DYM: variants seen among roughly 807,000 people sequenced by gnomAD.
The protein encoded by DYM is dyggve-Melchior-Clausen syndrome protein.
In DYM, 78 loss-of-function variants were observed where a neutral mutation model predicts 93.1. The ratio of observed to expected loss-of-function variants is 0.84; its 90% CI spans 0.70 to 1.01. The LOEUF (loss-of-function observed/expected upper bound fraction) is 1.01, where lower values mean the gene tolerates loss of function less well. DYM is among the 50% of genes least tolerant of loss of function. The pLI, the probability that DYM is intolerant of heterozygous loss-of-function variation, is 0.00. For synonymous variants in DYM, 321 were observed against 319.7 expected (o/e 1.00, Z -0.04); for missense variants, 789 against 845.0 (o/e 0.93, Z 0.82).
intron 2 of DYM, among the ~76,000 whole-genome samples, chr18:49,399,072 G>A (rs981883886): frequency 1.3e-5 from 2 of 152,148 alleles, no homozygotes; most frequent in African/African-American, 4.8e-5. Context: ...TAGTGCTTGG[G>A]TGCCTAGGAC....
chr18:49,231,655 C>T (rs1445728580), intron 13 of DYM, among the ~76,000 whole-genome samples: 1 of 152,206 alleles, frequency 6.6e-6, no homozygotes, highest in Non-Finnish European at 1.5e-5. Flanking sequence ...TTAGGATCAG[C>T]ATGTTTCCTT....
At chr18:49,134,873 T>C (rs1236442715) in intron 15 of DYM, among the ~76,000 whole-genome samples, 1 of 152,162 alleles carries the variant, frequency 6.6e-6, no homozygotes, top group Non-Finnish European at 1.5e-5. Flanking sequence ...TTTGGGAGGC[T>C]GAGGCGGTGG....
chr18:49,264,801 A>C (rs950699609), intron 11 of DYM, among the ~76,000 whole-genome samples: 16 of 152,320 alleles, frequency 1.1e-4, no homozygotes, highest in South Asian at 1.0e-3. Flanking sequence ...TCACAATTTT[A>C]AAGTTTTGCC....
intron 13 of DYM, among the ~76,000 whole-genome samples, chr18:49,219,968 C>T (rs900252235): frequency 2.1e-4 from 32 of 149,924 alleles, no homozygotes; most frequent in Admixed American, 1.3e-3. Context: ...CAAATTGTCC[C>T]TGTTTGCAGA....
intron 17 of DYM, among the ~76,000 whole-genome samples, chr18:49,058,391 T>C (rs1170884588): frequency 6.6e-6 from 1 of 151,830 alleles, no homozygotes; most frequent in Non-Finnish European, 1.5e-5. Flanking sequence ...ATGATCATAG[T>C]TCATTGCAGC....
intron 14 of DYM, among the ~76,000 whole-genome samples, chr18:49,185,093 G>A (rs970155193): frequency 1.3e-5 from 2 of 151,984 alleles, no homozygotes; most frequent in Admixed American, 6.6e-5. Flanking sequence ...TCAATAAAAA[G>A]GAACAATAAA....
At chr18:49,133,136 A>G (rs1459525624) in intron 15 of DYM, among the ~76,000 whole-genome samples, 1 of 152,200 alleles carries the variant, frequency 6.6e-6, no homozygotes, top group Non-Finnish European at 1.5e-5. Context: ...GGCATTCTCA[A>G]CAGAGCACTG....
At chr18:49,087,677 C>T (rs1225358439) in intron 17 of DYM, among the ~76,000 whole-genome samples, 1 of 152,162 alleles carries the variant, frequency 6.6e-6, no homozygotes, top group Non-Finnish European at 1.5e-5. Context: ...AGTTCTAGAT[C>T]CTTGAGGAAT....
At chr18:49,081,554 G>C (rs1438749356) in intron 17 of DYM, among the ~76,000 whole-genome samples, 7 of 73,360 alleles carry the variant, frequency 9.5e-5, no homozygotes, top group South Asian at 5.0e-4. Context: ...AGAGGGGAGA[G>C]GGGAGAGGGG....
chr18:49,413,415 T>TGATGC (rs1267985762), intron 2 of DYM, among the ~76,000 whole-genome samples: 1 of 152,206 alleles, frequency 6.6e-6, no homozygotes, highest in Non-Finnish European at 1.5e-5. Context: ...AAAGTAACAA[T>TGATGC]GATGCTTACG....
intron 17 of DYM, among the ~76,000 whole-genome samples, chr18:49,045,186 C>T (rs993638440): frequency 3.3e-5 from 5 of 152,026 alleles, no homozygotes; most frequent in South Asian, 4.2e-4. Flanking sequence ...AGGAGGAGGA[C>T]GGTGGAAGGC....
intron 7 of DYM, 92 bp downstream of exon 7, chr18:49,333,636 G>T: frequency 7.5e-7 from 1 of 1,339,824 alleles, no homozygotes; most frequent in Non-Finnish European, 1.1e-6. Context: ...TACCTGGTTG[G>T]AGATATGGGA....
chr18:49,248,299 C>T (rs541246881), intron 13 of DYM, among the ~76,000 whole-genome samples: 1 of 152,078 alleles, frequency 6.6e-6, no homozygotes, highest in Non-Finnish European at 1.5e-5. Context: ...CAGAATCTTG[C>T]AATATTAGCA....
intron 3 of DYM, among the ~76,000 whole-genome samples, chr18:49,383,263 TG>T (rs1441067922): frequency 1.3e-5 from 2 of 152,220 alleles, no homozygotes; most frequent in Non-Finnish European, 2.9e-5. Context: ...TATTAAAAGT[TG>T]TTTTTTTAAT....
chr18:49,323,300 G>A (rs995678984), intron 8 of DYM, among the ~76,000 whole-genome samples: 2 of 152,204 alleles, frequency 1.3e-5, no homozygotes, highest in Non-Finnish European at 2.9e-5. Context: ...TGTGGTTTAA[G>A]ATAATGACTA....
At chr18:49,221,431 A>G (rs1394195979) in intron 13 of DYM, among the ~76,000 whole-genome samples, 2 of 152,124 alleles carry the variant, frequency 1.3e-5, no homozygotes, top group African/African-American at 4.8e-5. Context: ...ATTATAAATC[A>G]TGCTGCTATA....
intron 8 of DYM, among the ~76,000 whole-genome samples, chr18:49,318,778 G>T (rs976836157): frequency 6.6e-6 from 1 of 151,120 alleles, no homozygotes; most frequent in Non-Finnish European, 1.5e-5. Context: ...TATATGAACA[G>T]GTAACATTAT....
Position 49,043,991 on chromosome 18 carries a change from C to T in DYM, c.*64G>A. On this transcript the variant is annotated 3_prime_UTR_variant, in exon 18 of 18. Transcript: ENST00000675505. ...AACCTGTCTGTCTACTTCTGTTACC[C>T]AGAAATAAAAGAACTTGAAGGGCTG... The T allele has an allele frequency of 1.3e-6, 2 of 1,596,292 alleles. No homozygotes were observed. Among genetic ancestry groups the T allele is most frequent in the Non-Finnish European group, 1.7e-6 (2 of 1,168,246 alleles).
chr18:49,427,347 G>A (rs2074385249), intron 2 of DYM, among the ~76,000 whole-genome samples: 1 of 151,932 alleles, frequency 6.6e-6, no homozygotes, highest in African/African-American at 2.4e-5. Context: ...ATGACATGAA[G>A]GGAAAAAATA....
Sources: gnomAD v4.1 joint callset for allele counts (sites outside exome capture counted in the v4.1 genomes callset) on GRCh38, gnomAD v4.1.1 for gene constraint, MANE v1.5 for transcripts, NCBI Gene and HGNC (gene_info 2026-07-23, HGNC 2026-07-21) for gene names.